The following MIA2 variants were observed in gnomAD, a reference collection of about 807,000 sequenced individuals.
MIA2 encodes the protein melanoma inhibitory activity protein 2.
Under a neutral mutation model 167.8 loss-of-function variants are expected in MIA2, and 127 were observed. That is an observed-to-expected ratio of 0.76 (90% CI 0.66 to 0.88). MIA2 has a LOEUF of 0.88. Ranked by LOEUF, MIA2 falls within the 40% of genes least tolerant of loss-of-function variation. MIA2 has a pLI of 0.00. For missense variants in MIA2, 1,690 were observed against 1,624.7 expected (o/e 1.04, Z -0.69); for synonymous variants, 552 against 541.9 (o/e 1.02, Z -0.26).
intron 6 of MIA2, among the ~76,000 whole-genome samples, chr14:39,264,424 T>C (rs556863238): frequency 5.3e-5 from 8 of 152,202 alleles, no homozygotes; most frequent in Non-Finnish European, 8.8e-5. Flanking sequence ...CACGTGTCTT[T>C]TGTTAGAACA....
intron 25 of MIA2, among the ~76,000 whole-genome samples, chr14:39,334,032 G>T (rs1029472616): frequency 1.3e-5 from 2 of 152,188 alleles, no homozygotes; most frequent in African/African-American, 2.4e-5. Context: ...CAAAATTTAT[G>T]ATGAGTGAGA....
rs748181954 is a variant in MIA2, at chr14:39,318,011, A to G, written c.3284A>G (p.Lys1095Arg). 6.4e-7 allele frequency: 1 copy of G among 1,574,176 alleles called. No homozygotes were observed. Among genetic ancestry groups the G allele is most frequent in the Non-Finnish European group, 8.6e-7 (1 of 1,163,670 alleles). Residue 1095 changes from lysine (K) to arginine (R), a missense_variant and splice_region_variant, in exon 22 of 29, where the codon AAA (lysine) becomes AGA (arginine). Coordinates refer to ENST00000640607, the MANE Select transcript of MIA2 (RefSeq NM_001329214.4). ...LRKENAHNRQ[K>R]LTETELKFEL... ...AAAGAAAATGCTCACAACAGACAAA[A>G]GTAAGTATCTTAGTGGGAACATTTA...
chr14:39,259,586 A>G (rs973735267), intron 6 of MIA2, among the ~76,000 whole-genome samples: 1 of 151,442 alleles, frequency 6.6e-6, no homozygotes, highest in African/African-American at 2.4e-5. Flanking sequence ...GGTGGAGTAC[A>G]GTGGCCCTAT....
chr14:39,323,186 C>G (rs1272457444), intron 24 of MIA2, among the ~76,000 whole-genome samples: 1 of 152,096 alleles, frequency 6.6e-6, no homozygotes, highest in African/African-American at 2.4e-5. Context: ...TGTTTGTATC[C>G]TCTTTCTCCA....
At chr14:39,300,765 A>G (rs1201460302) in intron 14 of MIA2, among the ~76,000 whole-genome samples, 1 of 151,964 alleles carries the variant, frequency 6.6e-6, no homozygotes, top group African/African-American at 2.4e-5. Flanking sequence ...AGGTATACAT[A>G]TGTAACAAAC....
chr14:39,329,588 T>A (rs1420157639), intron 25 of MIA2, among the ~76,000 whole-genome samples: 1 of 152,118 alleles, frequency 6.6e-6, no homozygotes, highest in Non-Finnish European at 1.5e-5. Context: ...TGATATTGCC[T>A]GTGAGTTTGT....
chr14:39,270,494 C>T (rs1181737300), intron 6 of MIA2, among the ~76,000 whole-genome samples: 2 of 151,934 alleles, frequency 1.3e-5, no homozygotes, highest in East Asian at 1.9e-4. Flanking sequence ...TCCCCCCACC[C>T]GGCTTTACTC....
intron 28 of MIA2, among the ~76,000 whole-genome samples, chr14:39,349,588 T>G (rs1031687711): frequency 6.6e-6 from 1 of 152,210 alleles, no homozygotes; most frequent in Non-Finnish European, 1.5e-5. Flanking sequence ...GAATGTCTCA[T>G]ATAGTCTTTC....
At chr14:39,383,025 T>C (rs973673381) in intron 23 of MIA2, among the ~76,000 whole-genome samples, 1 of 145,496 alleles carries the variant, frequency 6.9e-6, no homozygotes, top group African/African-American at 2.5e-5. Context: ...CTGTGGGTCC[T>C]GATACAATTC....
chr14:39,370,759 G>C (rs568538260), intron 23 of MIA2: 2 of 156,280 alleles, frequency 1.3e-5, no homozygotes, highest in African/African-American at 4.8e-5. Context: ...ATTTTGAACT[G>C]AAATACAGTA....
chr14:39,285,257 G>GC (rs1566725968), intron 9 of MIA2, among the ~76,000 whole-genome samples: 1 of 152,058 alleles, frequency 6.6e-6, no homozygotes, highest in Non-Finnish European at 1.5e-5. Flanking sequence ...TTCTCAATGA[G>GC]CTGTTGGGTA....
chr14:39,340,384 A>G (rs568248555), intron 25 of MIA2, among the ~76,000 whole-genome samples: 47 of 152,200 alleles, frequency 3.1e-4, no homozygotes, highest in Non-Finnish European at 5.9e-4. Flanking sequence ...CAAATAAGAG[A>G]CATATAGTGT....
intron 23 of MIA2, among the ~76,000 whole-genome samples, chr14:39,358,795 G>T (rs961906056): frequency 1.3e-5 from 2 of 152,224 alleles, no homozygotes; most frequent in Non-Finnish European, 2.9e-5. Context: ...CTGCAGGTCT[G>T]TTGGAATTTG....
chr14:39,271,459 T>C (rs1364863728), intron 6 of MIA2, among the ~76,000 whole-genome samples: 1 of 152,186 alleles, frequency 6.6e-6, no homozygotes, highest in Non-Finnish European at 1.5e-5. Context: ...TCTTTTTCTT[T>C]ATCAATATTG....
At chr14:39,305,703 A>T (rs780017721) in intron 17 of MIA2, among the ~76,000 whole-genome samples, 1 of 152,232 alleles carries the variant, frequency 6.6e-6, no homozygotes, top group Non-Finnish European at 1.5e-5. Context: ...TGGGAGGCCA[A>T]CGTGGGTGGA....
chr14:39,297,150 A>G (rs542583838), intron 13 of MIA2, among the ~76,000 whole-genome samples: 10 of 150,984 alleles, frequency 6.6e-5, no homozygotes, highest in African/African-American at 9.8e-5. Context: ...TCTGGAGTTC[A>G]TGGCGCTATC....
At chr14:39,297,693 G>GTGTGTGTGTT (rs2061626616) in intron 13 of MIA2, among the ~76,000 whole-genome samples, 2 of 151,866 alleles carry the variant, frequency 1.3e-5, no homozygotes, top group African/African-American at 4.8e-5. Context: ...GTGTGTGTGT[G>GTGTGTGTGTT]TGTGTTTGTG....
At chr14:39,314,666 T>A (rs1172881378) in intron 19 of MIA2, 73 bp from the exon 20 acceptor site, 2 of 969,474 alleles carry the variant, frequency 2.1e-6, no homozygotes, top group African/African-American at 3.3e-5. Context: ...TAATAAATAT[T>A]TTTTTAGTAG....
At chr14:39,239,736 C>G (rs1420441048) in intron 2 of MIA2, among the ~76,000 whole-genome samples, 1 of 152,050 alleles carries the variant, frequency 6.6e-6, no homozygotes, top group Non-Finnish European at 1.5e-5. Flanking sequence ...ATGTGTGCAG[C>G]CAGGGTGAAG....
Sources: gnomAD v4.1 joint callset for allele counts (sites outside exome capture counted in the v4.1 genomes callset) on GRCh38, gnomAD v4.1.1 for gene constraint, MANE v1.5 for transcripts, NCBI Gene and HGNC (gene_info 2026-07-23, HGNC 2026-07-21) for gene names.